The following STXBP5L variants were observed in gnomAD, a reference collection of about 807,000 sequenced individuals.
STXBP5L encodes syntaxin binding protein 5L, also known as syntaxin-binding protein 5-like.
Under a neutral mutation model 144.5 loss-of-function variants are expected in STXBP5L, and 65 were observed. That is an observed-to-expected ratio of 0.45 (90% CI 0.37 to 0.55). The LOEUF (loss-of-function observed/expected upper bound fraction) is 0.55. STXBP5L is among the 20% of genes least tolerant of loss of function. STXBP5L has a pLI of 0.00. For missense variants in STXBP5L, 1,298 were observed against 1,405.5 expected, an observed-to-expected ratio of 0.92 and a Z score of 1.22; for synonymous variants, 505 against 469.6, an observed-to-expected ratio of 1.08 and a Z score of -0.97.
intron 9 of STXBP5L, among the ~76,000 whole-genome samples, chr3:121,164,751 C>T (rs1028725510): frequency 6.6e-6 from 1 of 152,066 alleles, no homozygotes; most frequent in Non-Finnish European, 1.5e-5. Context: ...CATAGCTGAA[C>T]CTGGAGGACA....
chr3:121,251,979 A>T (rs2050040458), intron 15 of STXBP5L, among the ~76,000 whole-genome samples: 1 of 152,206 alleles, frequency 6.6e-6, no homozygotes, highest in African/African-American at 2.4e-5. Flanking sequence ...CTTCTCATGC[A>T]AACCTGAGTT....
intron 3 of STXBP5L, among the ~76,000 whole-genome samples, chr3:121,003,204 C>T (rs1943943025): frequency 6.6e-6 from 1 of 152,132 alleles, no homozygotes. Context: ...TCTCCACATC[C>T]TCTCCAGCAC....
At chr3:121,224,128 C>T (rs2049050729) in intron 11 of STXBP5L, among the ~76,000 whole-genome samples, 1 of 152,002 alleles carries the variant, frequency 6.6e-6, no homozygotes, top group African/African-American at 2.4e-5. Context: ...TTAGCTCTGC[C>T]ACTTACTAGC....
chr3:121,273,320 G>A (rs1459320154), intron 18 of STXBP5L, among the ~76,000 whole-genome samples: 5 of 149,968 alleles, frequency 3.3e-5, no homozygotes, highest in African/African-American at 7.3e-5. Context: ...TTCTTTTTGC[G>A]CTTTGAATAA....
chr3:121,234,261 G>A (rs1453568975), intron 12 of STXBP5L, among the ~76,000 whole-genome samples: 6 of 151,916 alleles, frequency 3.9e-5, no homozygotes, highest in African/African-American at 1.5e-4. Context: ...TTCCATCATT[G>A]TATGTTCTTC....
At chr3:121,336,165 G>A (rs1051979614) in intron 20 of STXBP5L, among the ~76,000 whole-genome samples, 2 of 152,172 alleles carry the variant, frequency 1.3e-5, no homozygotes, top group African/African-American at 2.4e-5. Context: ...ATGAAAAAAA[G>A]TTCAATATCA....
rs1937930408 is a variant in STXBP5L, at chr3:120,955,508, A to G, written c.287+471A>G. 2.0e-5 allele frequency among the ~76,000 whole-genome samples: 3 copies of G among 152,154 alleles called. 1 individual carries two copies. In the South Asian group the frequency reaches 6.2e-4, roughly 32 times the overall value. Reference sequence around the variant, plus strand: ...TAATTTGAGAACTTTCTTCTTTTCTAATATGTGCCTATAGTACTATAAATT... The same window carrying G: ...TAATTTGAGAACTTTCTTCTTTTCTGATATGTGCCTATAGTACTATAAATT... On this transcript the variant is annotated intron_variant, in intron 3 of 26. Transcript: ENST00000471454.
chr3:121,319,938 T>C (rs1046690136), intron 20 of STXBP5L, among the ~76,000 whole-genome samples: 3 of 152,172 alleles, frequency 2.0e-5, no homozygotes, highest in African/African-American at 7.2e-5. Context: ...GGCAACATAG[T>C]GAGACCCTGT....
chr3:121,127,161 A>G (rs1254325408), intron 7 of STXBP5L, among the ~76,000 whole-genome samples: 1 of 148,562 alleles, frequency 6.7e-6, no homozygotes, highest in East Asian at 1.9e-4. Context: ...CTCCTACCTC[A>G]TGTAGCTCTA....
chr3:121,105,509 C>T (rs1374400390), intron 5 of STXBP5L, among the ~76,000 whole-genome samples: 1 of 152,062 alleles, frequency 6.6e-6, no homozygotes, highest in Non-Finnish European at 1.5e-5. Flanking sequence ...CAATGTGATG[C>T]CACCTTACTC....
intron 2 of STXBP5L, among the ~76,000 whole-genome samples, chr3:120,951,663 T>C (rs934335014): frequency 6.6e-6 from 1 of 151,944 alleles, no homozygotes; most frequent in Non-Finnish European, 1.5e-5. Flanking sequence ...CAACAGGTGC[T>C]GGAGAGGATG....
chr3:121,135,551 C>T (rs1295523630), intron 7 of STXBP5L, among the ~76,000 whole-genome samples: 2 of 152,276 alleles, frequency 1.3e-5, no homozygotes, highest in South Asian at 2.1e-4. Context: ...ATTAGATACT[C>T]ACAAGGAGCA....
intron 5 of STXBP5L, chr3:121,099,372 C>A (rs548062733): frequency 6.6e-6 from 1 of 152,078 alleles, no homozygotes; most frequent in Non-Finnish European, 1.5e-5. Flanking sequence ...TCTTTATACA[C>A]AGCCTGATCT....
chr3:121,157,382 A>G, intron 8 of STXBP5L, 122 bp from the exon 9 acceptor site: 5 of 1,064,450 alleles, frequency 4.7e-6, no homozygotes, highest in Non-Finnish European at 5.0e-6. Flanking sequence ...CAGAAAAATT[A>G]TGTTTTTTAA....
chr3:121,413,970 C>A (rs7609781), intron 24 of STXBP5L, among the ~76,000 whole-genome samples: 30,310 of 152,070 alleles, frequency 0.2, 3,286 homozygotes, highest in Non-Finnish European at 0.25. Context: ...TTGGCTCCTC[C>A]ATTTCTGTGA....
chr3:121,231,811 A>T (rs1327103087), intron 11 of STXBP5L, among the ~76,000 whole-genome samples: 1 of 152,194 alleles, frequency 6.6e-6, no homozygotes, highest in African/African-American at 2.4e-5. Context: ...TTTCTGTGCC[A>T]TCAAAATATT....
chr3:120,961,678 G>C (rs1251515288), intron 3 of STXBP5L, among the ~76,000 whole-genome samples: 2 of 152,134 alleles, frequency 1.3e-5, no homozygotes, highest in Non-Finnish European at 1.5e-5. Context: ...TATCATTGAT[G>C]GACATTTGGG....
chr3:121,116,800 G>A (rs568209879), intron 6 of STXBP5L, among the ~76,000 whole-genome samples: 1 of 152,000 alleles, frequency 6.6e-6, no homozygotes, highest in East Asian at 1.9e-4. Context: ...AGCAATAAAA[G>A]GGCTGAATTT....
intron 13 of STXBP5L, 99 bp downstream of exon 13, chr3:121,239,217 T>A: frequency 1.6e-6 from 1 of 638,274 alleles, no homozygotes; most frequent in Non-Finnish European, 2.4e-6. Flanking sequence ...TAGGAGGACT[T>A]AACTAAATTC....
Sources: gnomAD v4.1 joint callset for allele counts (sites outside exome capture counted in the v4.1 genomes callset) on GRCh38, gnomAD v4.1.1 for gene constraint, MANE v1.5 for transcripts, NCBI Gene and HGNC (gene_info 2026-07-23, HGNC 2026-07-21) for gene names.